Variants in DACH1 observed in about 807,000 individuals in gnomAD.
The protein encoded by DACH1 is dachshund homolog 1.
Under a neutral mutation model 54.2 loss-of-function variants are expected in DACH1, and 12 were observed. The observed-to-expected ratio is 0.22, with a 90% CI of 0.14 to 0.36. The LOEUF (loss-of-function observed/expected upper bound fraction) is 0.36. Ranked by LOEUF, DACH1 falls within the 10% of genes least tolerant of loss-of-function variation. The pLI is 1.00. For missense variants in DACH1, 805 were observed against 929.8 expected, an observed-to-expected ratio of 0.87 and a Z score of 1.75; for synonymous variants, 386 against 366.2, an observed-to-expected ratio of 1.05 and a Z score of -0.62.
chr13:71,486,343 A>C (rs1459514459), intron 7 of DACH1, among the ~76,000 whole-genome samples: 2 of 152,146 alleles, frequency 1.3e-5, no homozygotes, highest in Non-Finnish European at 2.9e-5. Context: ...TATTATATAT[A>C]ATTGAAACTG....
At position 71,439,708 on chromosome 13, in the gene DACH1, G is replaced by A. The variant is rs991709783; in HGVS notation, c.*947C>T. 5 of 152,296 alleles carry A rather than the reference G, an allele frequency of 3.3e-5. No homozygotes were observed. The highest frequency in any genetic ancestry group is 7.4e-5 in the Non-Finnish European group (5 of 67,884). The allele number at this position is 152,296 out of a possible 1,614,324, so 9.4% of individuals were successfully genotyped here. On this transcript the variant is annotated 3_prime_UTR_variant, in exon 11 of 11. Transcript: ENST00000613252. Reference sequence around the variant, plus strand: ...TGTGACTCCAGACAAATATTTACATGCCTGCATGCGTTAAAACCAGAAAGA... The same window carrying A: ...TGTGACTCCAGACAAATATTTACATACCTGCATGCGTTAAAACCAGAAAGA...
intron 1 of DACH1, among the ~76,000 whole-genome samples, chr13:71,746,661 A>C (rs993539371): frequency 1.3e-5 from 2 of 152,094 alleles, no homozygotes; most frequent in Non-Finnish European, 2.9e-5. Context: ...ACAAACAAAC[A>C]AAAAACCTCC....
At chr13:71,535,328 A>T (rs189968862) in intron 6 of DACH1, among the ~76,000 whole-genome samples, 138 of 152,004 alleles carry the variant, frequency 9.1e-4, no homozygotes, top group African/African-American at 3.0e-3. Context: ...AAAATTTAAA[A>T]TGTTCAACTG....
intron 8 of DACH1, among the ~76,000 whole-genome samples, chr13:71,477,430 T>C (rs1877673041): frequency 6.6e-6 from 1 of 152,028 alleles, no homozygotes; most frequent in South Asian, 2.1e-4. Context: ...CTATTATTAA[T>C]ATTTTTAAGA....
intron 3 of DACH1, among the ~76,000 whole-genome samples, chr13:71,604,024 A>T (rs1476787821): frequency 6.6e-6 from 1 of 151,882 alleles, no homozygotes; most frequent in Admixed American, 6.6e-5. Context: ...ATTATGTCAC[A>T]TTGTGGGGGG....
At chr13:71,704,608 AG>A in intron 1 of DACH1, 1 of 446,114 alleles carries the variant, frequency 2.2e-6, no homozygotes, top group Non-Finnish European at 4.5e-6. Context: ...AACCCATGGC[AG>A]GGAGCCTGAG....
intron 10 of DACH1, among the ~76,000 whole-genome samples, chr13:71,446,455 T>C (rs1026232683): frequency 6.6e-6 from 1 of 152,196 alleles, no homozygotes; most frequent in African/African-American, 2.4e-5. Context: ...AGGTGCTATA[T>C]CGATTTTAAG....
rs890860284 is a variant in DACH1 at position 71,818,669 on chromosome 13, G to A, written c.848+47253C>T. Among the ~76,000 whole-genome samples, 8 of 152,314 alleles carry A rather than the reference G, an allele frequency of 5.3e-5. 1 individual carries two copies. In the South Asian group the frequency reaches 1.2e-3, roughly 24 times the overall value. ...CCATCCTCCAGGTTAGGCATGGATC[G>A]TAGCTAATATTCACCACTAAATTTC... On this transcript the variant is annotated intron_variant, in intron 1 of 10. Coordinates refer to ENST00000613252, the MANE Select transcript of DACH1 (RefSeq NM_080759.6).
At chr13:71,810,874 T>C (rs984963151) in intron 1 of DACH1, among the ~76,000 whole-genome samples, 4 of 152,156 alleles carry the variant, frequency 2.6e-5, no homozygotes, top group Non-Finnish European at 5.9e-5. Context: ...TGTGTTTTGC[T>C]TAGTTGCTAA....
chr13:71,791,181 A>C (rs1886814848), intron 1 of DACH1, among the ~76,000 whole-genome samples: 2 of 150,014 alleles, frequency 1.3e-5, no homozygotes, highest in Admixed American at 6.6e-5. Context: ...TTTAGGACTA[A>C]CTCTCTTTAC....
At chr13:71,689,756 T>C (rs886251917) in intron 1 of DACH1, among the ~76,000 whole-genome samples, 8 of 152,184 alleles carry the variant, frequency 5.3e-5, no homozygotes, top group African/African-American at 9.6e-5. Context: ...ACTAAGCCAC[T>C]CTTAAGCATT....
At chr13:71,613,886 A>AT (rs200409613) in intron 3 of DACH1, among the ~76,000 whole-genome samples, 6,962 of 151,830 alleles carry the variant, frequency 0.046, 263 homozygotes, top group Admixed American at 0.096. Context: ...TAATTTTTGT[A>AT]TTTTTTATAG....
chr13:71,561,345 C>A lies in DACH1; in HGVS notation c.1300-1390G>T, dbSNP rs982640391. Among the ~76,000 whole-genome samples the A allele has an allele frequency of 2.0e-5, 3 of 152,160 alleles. No individual in the cohort carries two copies. In the East Asian group the frequency reaches 5.8e-4, roughly 29 times the overall value. On this transcript the variant is annotated intron_variant, in intron 4 of 10. Transcript: ENST00000613252. ...AATGTACTTGAAAACTGAGTCTTTG[C>A]AGACATAATTAGTTAAGATGAGAAC...
chr13:71,743,287 G>C (rs551901863), intron 1 of DACH1, among the ~76,000 whole-genome samples: 2 of 152,076 alleles, frequency 1.3e-5, no homozygotes, highest in Admixed American at 6.6e-5. Flanking sequence ...GGAACAGAGT[G>C]GGGGGAAAAG....
intron 1 of DACH1, among the ~76,000 whole-genome samples, chr13:71,748,840 TTTTCTCTTTCTTTCTTTC>T (rs1177935337): frequency 6.8e-6 from 1 of 146,240 alleles, no homozygotes; most frequent in Admixed American, 7.0e-5. Flanking sequence ...AAAAAATATT[TTTTCTCTTTCTTTCTTTC>T]TTTCTTTCTT....
intron 1 of DACH1, among the ~76,000 whole-genome samples, chr13:71,705,442 T>C (rs2138762272): frequency 1.3e-5 from 2 of 152,312 alleles, no homozygotes; most frequent in Non-Finnish European, 2.9e-5. Context: ...AGCACTTGCT[T>C]ATAAGTAGAT....
At chr13:71,604,227 T>A (rs1234452889) in intron 3 of DACH1, among the ~76,000 whole-genome samples, 1 of 152,002 alleles carries the variant, frequency 6.6e-6, no homozygotes, top group African/African-American at 2.4e-5. Context: ...AATTTTTCAT[T>A]TATCTCATAC....
intron 1 of DACH1, among the ~76,000 whole-genome samples, chr13:71,802,792 G>T (rs1468501637): frequency 1.3e-5 from 2 of 152,066 alleles, no homozygotes; most frequent in Non-Finnish European, 2.9e-5. Context: ...CAAAACGACT[G>T]TAGTGATTAT....
chr13:71,440,359 A>G lies in DACH1; in HGVS notation c.*296T>C, dbSNP rs1008731195. ...AAAAACAAAGCTAGGTCTTATTCAG[A>G]CCTGCCTTTAACTCTGTATACAATT... On this transcript the variant is annotated 3_prime_UTR_variant, in exon 11 of 11. Coordinates refer to ENST00000613252, the MANE Select transcript of DACH1 (RefSeq NM_080759.6). 6 of 286,682 alleles carry G rather than the reference A, an allele frequency of 2.1e-5. No individual in the cohort carries two copies. The highest frequency in any genetic ancestry group is 3.8e-5 in the Non-Finnish European group (6 of 155,874). 17.8% of individuals were successfully genotyped at this position (286,682 alleles called of 1,614,324 possible).
Sources: allele counts gnomAD v4.1 joint callset (sites outside exome capture counted in the v4.1 genomes callset), GRCh38; gene constraint gnomAD v4.1.1; transcripts MANE v1.5; gene names NCBI Gene and HGNC (gene_info 2026-07-23, HGNC 2026-07-21).